Variants in TANC2 observed in about 807,000 individuals in gnomAD.
TANC2 encodes tetratricopeptide repeat, ankyrin repeat and coiled-coil containing 2.
Under a neutral mutation model 210.5 loss-of-function variants are expected in TANC2, and 26 were observed. The ratio of observed to expected loss-of-function variants is 0.12; its 90% CI spans 0.09 to 0.17. The LOEUF is 0.17. Ranked by LOEUF, TANC2 falls within the 10% of genes least tolerant of loss-of-function variation. The probability of loss-of-function intolerance (pLI) is 1.00; values close to 1 mark genes in which losing one functional copy is unlikely to be tolerated. For missense variants in TANC2, 2,129 were observed against 2,608.9 expected (o/e 0.82, Z 4.01); for synonymous variants, 931 against 967.1 (o/e 0.96, Z 0.69).
chr17:63,266,250 G>A (rs891396046), intron 8 of TANC2, among the ~76,000 whole-genome samples: 7 of 151,930 alleles, frequency 4.6e-5, no homozygotes, highest in African/African-American at 1.2e-4. Context: ...ATATTCTTTT[G>A]ACTGCTATCT....
intron 5 of TANC2, among the ~76,000 whole-genome samples, chr17:63,157,364 A>G (rs1053186140): frequency 3.9e-5 from 6 of 152,178 alleles, no homozygotes; most frequent in Admixed American, 6.5e-5. Flanking sequence ...GTTTTACATC[A>G]CAAAATCTGA....
At chr17:63,299,570 T>A (rs573667501) in intron 9 of TANC2, among the ~76,000 whole-genome samples, 25 of 149,452 alleles carry the variant, frequency 1.7e-4, no homozygotes, top group African/African-American at 6.1e-4. Context: ...GTTGGCTGCA[T>A]AAATGTCTTC....
At chr17:63,376,276 T>C (rs1266716267) in intron 14 of TANC2, among the ~76,000 whole-genome samples, 1 of 128,172 alleles carries the variant, frequency 7.8e-6, no homozygotes, top group South Asian at 2.5e-4. Context: ...TACTAAAAAA[T>C]ACAAAAAAAA....
chr17:63,127,084 C>T (rs559534868), intron 4 of TANC2, among the ~76,000 whole-genome samples: 2 of 152,300 alleles, frequency 1.3e-5, no homozygotes, highest in African/African-American at 4.8e-5. Context: ...TTTAGCTTGT[C>T]AACACTGCGA....
At chr17:63,317,984 A>T (rs2045366794) in intron 10 of TANC2, among the ~76,000 whole-genome samples, 1 of 152,196 alleles carries the variant, frequency 6.6e-6, no homozygotes, top group Admixed American at 6.5e-5. Flanking sequence ...CCTCAACCCA[A>T]ATGTCACACA....
At chr17:63,315,085 C>T (rs574979245) in intron 10 of TANC2, among the ~76,000 whole-genome samples, 5 of 152,160 alleles carry the variant, frequency 3.3e-5, no homozygotes, top group Non-Finnish European at 5.9e-5. Context: ...GTCAGTGTTG[C>T]ACTGCTTGGA....
chr17:63,023,764 A>G (rs912610519), intron 2 of TANC2, among the ~76,000 whole-genome samples: 7 of 152,226 alleles, frequency 4.6e-5, no homozygotes, highest in Non-Finnish European at 1.5e-5. Flanking sequence ...GTGGCCTTAT[A>G]ACAGAAAATA....
At chr17:63,029,988 C>T (rs1461037311) in intron 2 of TANC2, among the ~76,000 whole-genome samples, 1 of 152,134 alleles carries the variant, frequency 6.6e-6, no homozygotes. Context: ...CAGTTAATCA[C>T]AGTAATCACT....
intron 21 of TANC2, among the ~76,000 whole-genome samples, chr17:63,408,643 G>A (rs377430307): frequency 1.3e-4 from 20 of 152,316 alleles, no homozygotes; most frequent in African/African-American, 4.8e-4. Flanking sequence ...GCTCTCATCA[G>A]GATTAAGGGA....
chr17:62,968,039 A>G (rs1325550450), intron 1 of TANC2, among the ~76,000 whole-genome samples: 1 of 152,176 alleles, frequency 6.6e-6, no homozygotes, highest in African/African-American at 2.4e-5. Context: ...ATGTGCATGT[A>G]TATTATACAT....
chr17:63,256,551 G>C (rs1408160100), intron 8 of TANC2, among the ~76,000 whole-genome samples: 1 of 152,154 alleles, frequency 6.6e-6, no homozygotes, highest in African/African-American at 2.4e-5. Context: ...GTGCTGAAAA[G>C]AAGAATGTCT....
In TANC2 at chr17:63,060,932, G is replaced by A. The variant is rs184370733; in HGVS notation, c.68-13011G>A. 7.9e-3 allele frequency among the ~76,000 whole-genome samples: 1,197 copies of A among 152,224 alleles called. 8 individuals are homozygous for A. Among genetic ancestry groups the A allele is most frequent in the Middle Eastern group, 0.017 (5 of 294 alleles). ...TCTTTATAAATCATGTTTTGGAAAT[G>A]AGGTTTGATGTGTGCCTACAGTCCC... is the stretch of plus-strand genomic sequence containing the variant. On this transcript the variant is annotated intron_variant, in intron 2 of 27. Coordinates refer to ENST00000689528, the Ensembl canonical transcript of TANC2.
chr17:63,281,865 T>C (rs1420472833), intron 9 of TANC2, among the ~76,000 whole-genome samples: 1 of 152,082 alleles, frequency 6.6e-6, no homozygotes, highest in Admixed American at 6.6e-5. Flanking sequence ...GTGATAGAGC[T>C]GTATAAGCCA....
intron 4 of TANC2, among the ~76,000 whole-genome samples, chr17:63,111,799 C>T (rs563591236): frequency 2.0e-4 from 30 of 152,282 alleles, no homozygotes; most frequent in Non-Finnish European, 3.5e-4. Flanking sequence ...AATCTCAGCT[C>T]ACTGCAACCT....
At chr17:63,382,255 C>G (rs1414672792) in intron 15 of TANC2, among the ~76,000 whole-genome samples, 1 of 152,154 alleles carries the variant, frequency 6.6e-6, no homozygotes, top group Non-Finnish European at 1.5e-5. Flanking sequence ...TTTACTGGAC[C>G]ATTTAGTTGA....
At chr17:63,131,392 A>G (rs922344692) in intron 4 of TANC2, among the ~76,000 whole-genome samples, 2 of 152,204 alleles carry the variant, frequency 1.3e-5, no homozygotes, top group East Asian at 3.8e-4. Context: ...GCAAAGAAAG[A>G]GGTTGGGATC....
intron 12 of TANC2, among the ~76,000 whole-genome samples, chr17:63,349,986 G>A (rs929067125): frequency 6.6e-6 from 1 of 152,042 alleles, no homozygotes; most frequent in African/African-American, 2.4e-5. Flanking sequence ...TAAAAACTTG[G>A]CAGATGAAAG....
intron 4 of TANC2, among the ~76,000 whole-genome samples, chr17:63,104,909 G>T (rs1302005402): frequency 6.6e-6 from 1 of 151,554 alleles, no homozygotes; most frequent in Non-Finnish European, 1.5e-5. Context: ...TCTAAACTAG[G>T]GTTGATAATA....
intron 5 of TANC2, among the ~76,000 whole-genome samples, chr17:63,178,980 T>G (rs2040685703): frequency 6.6e-6 from 1 of 152,224 alleles, no homozygotes; most frequent in Non-Finnish European, 1.5e-5. Context: ...TGTTGTAAAG[T>G]GTAAACCATC....
Sources: allele counts gnomAD v4.1 joint callset (sites outside exome capture counted in the v4.1 genomes callset), GRCh38; gene constraint gnomAD v4.1.1; transcripts MANE v1.5; gene names NCBI Gene and HGNC (gene_info 2026-07-23, HGNC 2026-07-21).